The following CNTN4 variants were observed in gnomAD, a reference collection of about 807,000 sequenced individuals.
CNTN4 encodes the protein contactin 4, also known as contactin-4.
CNTN4 carries 77 observed loss-of-function variants against 122.5 expected under a neutral mutation model. That is an observed-to-expected ratio of 0.63 (90% CI 0.52 to 0.76). The LOEUF (loss-of-function observed/expected upper bound fraction) is 0.76, where lower values mean the gene tolerates loss of function less well. CNTN4 is among the 30% of genes least tolerant of loss of function. The pLI, the probability that CNTN4 is intolerant of heterozygous loss-of-function variation, is 0.00. For synonymous variants in CNTN4, 512 were observed against 447.0 expected (o/e 1.15, Z -1.83); for missense variants, 1,256 against 1,259.1 (o/e 1.00, Z 0.04).
intron 13 of CNTN4, among the ~76,000 whole-genome samples, chr3:2,963,714 C>T (rs2094884503): frequency 6.6e-6 from 1 of 152,196 alleles, no homozygotes. Context: ...TAAGACTGTC[C>T]ATATTTTCTT....
intron 2 of CNTN4, among the ~76,000 whole-genome samples, chr3:2,184,539 C>T (rs985544544): frequency 2.6e-5 from 4 of 152,154 alleles, no homozygotes; most frequent in Non-Finnish European, 5.9e-5. Context: ...GTATGAACCA[C>T]CCGCCTGCTG....
chr3:2,883,255 C>T lies in CNTN4; in HGVS notation c.755+8C>T. ...ATGCTTTGCTTTAGGAAAGTAAGTT[C>T]TGGTTTGCGTTCCTTCTCATCCTCC... is the stretch of plus-strand genomic sequence containing the variant. On this transcript the variant is annotated splice_region_variant and intron_variant, in intron 9 of 24. Transcript: ENST00000418658. 6.2e-7 allele frequency: 1 copy of T among 1,605,576 alleles called. No individual in the cohort carries two copies.
intron 4 of CNTN4, among the ~76,000 whole-genome samples, chr3:2,624,666 C>G (rs543705174): frequency 4.1e-5 from 6 of 147,222 alleles, no homozygotes; most frequent in Non-Finnish European, 7.4e-5. Context: ...GAGTCTCACC[C>G]TGTCTCCCAG....
chr3:2,524,055 G>A (rs1045879090), intron 3 of CNTN4, among the ~76,000 whole-genome samples: 13 of 152,148 alleles, frequency 8.5e-5, no homozygotes, highest in African/African-American at 3.1e-4. Context: ...AGTGTTTTTA[G>A]TGTATTCACA....
chr3:2,363,849 C>T (rs1022192353), intron 3 of CNTN4, among the ~76,000 whole-genome samples: 1 of 152,076 alleles, frequency 6.6e-6, no homozygotes, highest in African/African-American at 2.4e-5. Context: ...AGTAATTCTG[C>T]CAAAGACTGA....
At chr3:2,255,468 T>C (rs1005165503) in intron 2 of CNTN4, among the ~76,000 whole-genome samples, 2 of 152,112 alleles carry the variant, frequency 1.3e-5, no homozygotes, top group African/African-American at 4.8e-5. Flanking sequence ...CCACCCCAAA[T>C]CCACAGAATA....
intron 3 of CNTN4, among the ~76,000 whole-genome samples, chr3:2,442,872 A>G (rs1194251529): frequency 6.6e-6 from 1 of 152,162 alleles, no homozygotes; most frequent in African/African-American, 2.4e-5. Context: ...TTTCAACTGG[A>G]TATCTGCACT....
At chr3:2,952,094 C>T (rs1263854447) in intron 13 of CNTN4, among the ~76,000 whole-genome samples, 2 of 152,174 alleles carry the variant, frequency 1.3e-5, no homozygotes, top group South Asian at 2.1e-4. Flanking sequence ...AGTTCTGCTG[C>T]CCTTGTAGTA....
At chr3:2,296,372 C>T (rs1288618581) in intron 2 of CNTN4, among the ~76,000 whole-genome samples, 1 of 152,088 alleles carries the variant, frequency 6.6e-6, no homozygotes, top group Non-Finnish European at 1.5e-5. Flanking sequence ...GTTTGTAGTT[C>T]TCCTTGAAGA....
At chr3:2,667,554 T>C (rs1255994964) in intron 4 of CNTN4, among the ~76,000 whole-genome samples, 1 of 152,082 alleles carries the variant, frequency 6.6e-6, no homozygotes, top group African/African-American at 2.4e-5. Flanking sequence ...CTATTCACTG[T>C]GATGGTAGTT....
At chr3:2,525,350 CT>C (rs1170052234) in intron 3 of CNTN4, among the ~76,000 whole-genome samples, 1 of 152,106 alleles carries the variant, frequency 6.6e-6, no homozygotes, top group African/African-American at 2.4e-5. Context: ...CAAAAATTGT[CT>C]TTCTTGACCT....
chr3:3,027,271 C>A (rs1316191010), intron 15 of CNTN4, among the ~76,000 whole-genome samples: 1 of 152,094 alleles, frequency 6.6e-6, no homozygotes, highest in East Asian at 1.9e-4. Flanking sequence ...CAGTTCTATG[C>A]CAAGAGTGGT....
Position 2,667,791 on chromosome 3 carries a change from G to A in CNTN4, c.56-68424G>A, listed in dbSNP as rs139555372. Reference sequence around the variant, plus strand: ...GTATAAGGTGTAAGGAAGGGATCCAGTTTCAGCTTTCTACATATGGCTGGC... The same window carrying A: ...GTATAAGGTGTAAGGAAGGGATCCAATTTCAGCTTTCTACATATGGCTGGC... On this transcript the variant is annotated intron_variant, in intron 4 of 24. Transcript: ENST00000418658. Among the ~76,000 whole-genome samples the A allele has an allele frequency of 9.9e-3, 1,488 of 150,690 alleles. 20 individuals are homozygous for A. The highest frequency in any genetic ancestry group is 0.035 in the African/African-American group (1,402 of 40,572).
At chr3:2,968,056 G>GTTCAGGCTTCT (rs1692510270) in intron 13 of CNTN4, among the ~76,000 whole-genome samples, 1 of 152,022 alleles carries the variant, frequency 6.6e-6, no homozygotes, top group Non-Finnish European at 1.5e-5. Flanking sequence ...CTGTTCAGAT[G>GTTCAGGCTTCT]GTATCAGCTG....
intron 5 of CNTN4, among the ~76,000 whole-genome samples, chr3:2,743,794 C>T (rs982847725): frequency 1.3e-5 from 2 of 152,050 alleles, no homozygotes; most frequent in African/African-American, 4.8e-5. Flanking sequence ...TTGGACAAAG[C>T]TTTGGTTAAT....
At chr3:2,310,348 G>A (rs2042869873) in intron 2 of CNTN4, among the ~76,000 whole-genome samples, 1 of 152,122 alleles carries the variant, frequency 6.6e-6, no homozygotes, top group African/African-American at 2.4e-5. Flanking sequence ...CTGACACTGT[G>A]GAGCTATGGG....
chr3:3,048,922 T>A (rs1023520426), intron 23 of CNTN4, among the ~76,000 whole-genome samples: 3 of 152,186 alleles, frequency 2.0e-5, no homozygotes, highest in Non-Finnish European at 4.4e-5. Context: ...TTAAGCTACT[T>A]TATGGCATTA....
At chr3:2,380,650 A>G (rs1299022008) in intron 3 of CNTN4, among the ~76,000 whole-genome samples, 2 of 152,110 alleles carry the variant, frequency 1.3e-5, no homozygotes, top group Admixed American at 6.5e-5. Context: ...ACTATTGCCA[A>G]ATTCAGTATA....
intron 3 of CNTN4, among the ~76,000 whole-genome samples, chr3:2,440,456 G>C (rs1030142611): frequency 6.6e-6 from 1 of 152,072 alleles, no homozygotes; most frequent in Non-Finnish European, 1.5e-5. Context: ...AATACATATT[G>C]TGAGCAGATA....
Sources: allele counts gnomAD v4.1 joint callset (sites outside exome capture counted in the v4.1 genomes callset), GRCh38; gene constraint gnomAD v4.1.1; transcripts MANE v1.5; gene names NCBI Gene and HGNC (gene_info 2026-07-23, HGNC 2026-07-21).